The following TMEM232 variants were observed in gnomAD, a reference collection of about 807,000 sequenced individuals.
TMEM232 encodes the protein transmembrane protein 232.
TMEM232 carries 80 observed loss-of-function variants against 78.8 expected under a neutral mutation model. The ratio of observed to expected loss-of-function variants is 1.01; its 90% CI spans 0.85 to 1.22. The LOEUF is 1.22. TMEM232 is among the 50% of genes most tolerant of loss of function. The probability of loss-of-function intolerance (pLI) is 0.00; values close to 1 mark genes in which losing one functional copy is unlikely to be tolerated. For synonymous variants in TMEM232, 297 were observed against 254.3 expected (o/e 1.17, Z -1.60); for missense variants, 881 against 742.2 (o/e 1.19, Z -2.17).
In TMEM232 at chr5:110,620,613, CT is replaced by C. The variant is rs1359778057; in HGVS notation, c.769-2052del. ...TCTCTCTCTCTCTCTCTCTCTCTCT[CT>C]CTCTCTCTCTCTCTCTCTCTCTCTC... On this transcript the variant is annotated intron_variant, in intron 7 of 13. Transcript: ENST00000455884. 1.8e-3 allele frequency among the ~76,000 whole-genome samples: 254 copies of C among 138,118 alleles called. 4 individuals carry two copies. The highest frequency in any genetic ancestry group is 7.1e-3 in the African/African-American group (239 of 33,828). The allele number at this position is 138,118 out of a possible 152,430, so 90.6% of individuals were successfully genotyped here.
chr5:110,697,830 C>G (rs4957914), intron 1 of TMEM232, among the ~76,000 whole-genome samples: 5,849 of 152,236 alleles, frequency 0.038, 173 homozygotes, highest in Non-Finnish European at 0.053. Context: ...CACTTTTACA[C>G]TGTTGGTGGG....
In TMEM232 at chr5:110,605,259, C is replaced by G; in HGVS notation, c.1126G>C (p.Asp376His). Reference protein sequence around the residue: ...AEICLYAATSDLRKTALIGFC... With the variant: ...AEICLYAATSHLRKTALIGFC... Reference sequence around the variant, plus strand: ...CCAATTAAAGCAGTTTTTCGCAAATCAGAAGTGGCTGCATACAAGCAGATT... The same window carrying G: ...CCAATTAAAGCAGTTTTTCGCAAATGAGAAGTGGCTGCATACAAGCAGATT... Residue 376 changes from aspartate (D) to histidine (H), a missense_variant, in exon 10 of 14, where the codon GAT becomes CAT. Physicochemically the swap from Asp to His is moderately conservative, Grantham distance 81. Coordinates refer to ENST00000455884, the MANE Select transcript of TMEM232 (RefSeq NM_001039763.4). 1 of 1,551,174 alleles carries G rather than the reference C, an allele frequency of 6.4e-7. No homozygotes were observed. The highest frequency in any genetic ancestry group is 1.2e-5 in the South Asian group (1 of 84,032).
intron 1 of TMEM232, among the ~76,000 whole-genome samples, chr5:110,710,497 C>A (rs900272373): frequency 6.6e-6 from 1 of 152,058 alleles, no homozygotes; most frequent in African/African-American, 2.4e-5. Flanking sequence ...AAATCCTCAA[C>A]AATATCTAGC....
intron 10 of TMEM232, among the ~76,000 whole-genome samples, chr5:110,577,898 G>A (rs960460953): frequency 6.6e-6 from 1 of 151,766 alleles, no homozygotes; most frequent in Non-Finnish European, 1.5e-5. Context: ...GGAGGGAGAA[G>A]ATCAGGATAC....
chr5:110,738,365 G>C, upstream of TMEM232: 1 of 649,110 alleles, frequency 1.5e-6, no homozygotes, highest in Non-Finnish European at 2.0e-6. Flanking sequence ...AAAAAAATAC[G>C]ACAGAAAACT....
chr5:110,391,493 A>G (rs1412417365), intron 3 of TMEM232, among the ~76,000 whole-genome samples: 1 of 152,170 alleles, frequency 6.6e-6, no homozygotes, highest in East Asian at 1.9e-4. Flanking sequence ...AGAATTTATC[A>G]TGTAACAGAA....
downstream of TMEM232, among the ~76,000 whole-genome samples, chr5:110,414,842 T>G (rs188583789): frequency 1.3e-5 from 2 of 152,324 alleles, no homozygotes; most frequent in Admixed American, 6.5e-5. Flanking sequence ...TACTCCTCCC[T>G]GACCTCAACT....
chr5:110,537,875 A>AT (rs1230935295), intron 11 of TMEM232, among the ~76,000 whole-genome samples: 1 of 152,230 alleles, frequency 6.6e-6, no homozygotes, highest in Non-Finnish European at 1.5e-5. Flanking sequence ...TCATGGAGAG[A>AT]TGTTCAATTC....
At chr5:110,658,588 GTTATAC>G (rs1181523675) in intron 2 of TMEM232, among the ~76,000 whole-genome samples, 1 of 152,102 alleles carries the variant, frequency 6.6e-6, no homozygotes, top group Non-Finnish European at 1.5e-5. Context: ...AATGATTGCT[GTTATAC>G]TTAGAAACAT....
At chr5:110,614,692 T>G (rs1004979219) in intron 8 of TMEM232, among the ~76,000 whole-genome samples, 6 of 152,166 alleles carry the variant, frequency 3.9e-5, no homozygotes, top group Middle Eastern at 3.4e-3. Context: ...AATATTTATT[T>G]TTAGATGTTA....
At chr5:110,468,808 C>G (rs968359977) in intron 12 of TMEM232, among the ~76,000 whole-genome samples, 1 of 152,062 alleles carries the variant, frequency 6.6e-6, no homozygotes, top group African/African-American at 2.4e-5. Flanking sequence ...GTTCTTGTAA[C>G]TACCACAAAG....
chr5:110,531,200 T>C (rs1006410336), intron 11 of TMEM232, among the ~76,000 whole-genome samples: 2 of 151,858 alleles, frequency 1.3e-5, no homozygotes, highest in Non-Finnish European at 2.9e-5. Flanking sequence ...ACCCAAATCC[T>C]ATAAAATGGC....
intron 11 of TMEM232, among the ~76,000 whole-genome samples, chr5:110,530,799 G>C (rs1180205854): frequency 7.2e-5 from 11 of 152,210 alleles, no homozygotes; most frequent in Admixed American, 5.9e-4. Flanking sequence ...GTACAACATG[G>C]TGACTGTAGT....
intron 1 of TMEM232, among the ~76,000 whole-genome samples, chr5:110,706,079 T>A (rs757539179): frequency 6.6e-6 from 1 of 152,054 alleles, no homozygotes; most frequent in Non-Finnish European, 1.5e-5. Flanking sequence ...ATAACACTTA[T>A]AATAATGAAG....
intron 13 of TMEM232, among the ~76,000 whole-genome samples, chr5:110,424,058 TAG>T (rs905218757): frequency 1.9e-4 from 29 of 152,158 alleles, no homozygotes; most frequent in Non-Finnish European, 2.9e-5. Context: ...TAGCTGTTGC[TAG>T]AGTGGCTTAA....
At chr5:110,480,726 G>A (rs1458919248) in intron 12 of TMEM232, among the ~76,000 whole-genome samples, 2 of 152,022 alleles carry the variant, frequency 1.3e-5, no homozygotes, top group African/African-American at 4.8e-5. Context: ...GGAATGAGAT[G>A]TGAATAGTGA....
chr5:110,623,431 T>A (rs911426541), intron 7 of TMEM232, among the ~76,000 whole-genome samples: 64 of 152,302 alleles, frequency 4.2e-4, no homozygotes, highest in African/African-American at 1.5e-3. Context: ...GCTACAGGAA[T>A]AAATTCACAA....
intron 1 of TMEM232, among the ~76,000 whole-genome samples, chr5:110,709,413 C>T (rs538012361): frequency 3.2e-4 from 48 of 152,150 alleles, no homozygotes; most frequent in African/African-American, 1.1e-3. Context: ...ACATTTCATC[C>T]AACAGCTGCA....
At chr5:110,704,060 C>A (rs1186236635) in intron 1 of TMEM232, among the ~76,000 whole-genome samples, 1 of 152,078 alleles carries the variant, frequency 6.6e-6, no homozygotes, top group Non-Finnish European at 1.5e-5. Context: ...AGGGGATACG[C>A]TCCATTTCTG....
Sources: gnomAD v4.1 joint callset for allele counts (sites outside exome capture counted in the v4.1 genomes callset) on GRCh38, gnomAD v4.1.1 for gene constraint, MANE v1.5 for transcripts, NCBI Gene and HGNC (gene_info 2026-07-23, HGNC 2026-07-21) for gene names.